Variants in SEMA7A observed in about 807,000 individuals in gnomAD.
SEMA7A encodes semaphorin-7A.
In SEMA7A, 21 loss-of-function variants were observed where a neutral mutation model predicts 67.5. The observed-to-expected ratio is 0.31, with a 90% CI of 0.22 to 0.45. The LOEUF (loss-of-function observed/expected upper bound fraction) is 0.45, where lower values mean the gene tolerates loss of function less well. Among genes scored for constraint, SEMA7A ranks in the 20% least tolerant of loss-of-function variants. The probability of loss-of-function intolerance (pLI) is 1.00; values close to 1 mark genes in which losing one functional copy is unlikely to be tolerated. For synonymous variants in SEMA7A, 364 were observed against 368.5 expected, an observed-to-expected ratio of 0.99 and a Z score of 0.14; for missense variants, 774 against 908.6, an observed-to-expected ratio of 0.85 and a Z score of 1.90.
intron 6 of SEMA7A, 74 bp from the exon 7 acceptor site, chr15:74,416,788 TCCTC>T: frequency 1.3e-6 from 2 of 1,523,402 alleles, no homozygotes; most frequent in Non-Finnish European, 1.8e-6. Context: ...CTGCACACTC[TCCTC>T]CCTCCTTCGG....
intron 1 of SEMA7A, among the ~76,000 whole-genome samples, chr15:74,422,687 G>A (rs1234944423): frequency 3.3e-5 from 5 of 152,212 alleles, no homozygotes; most frequent in African/African-American, 1.2e-4. Flanking sequence ...GGTGCTCACA[G>A]GGCTCTGATC....
intron 10 of SEMA7A, 146 bp from the exon 11 acceptor site, chr15:74,412,158 G>A (rs188538429): frequency 8.3e-6 from 8 of 969,280 alleles, no homozygotes; most frequent in Admixed American, 5.0e-5. Context: ...GCGTGACTGG[G>A]GAAGAATGTG....
intron 3 of SEMA7A, 92 bp downstream of exon 3, chr15:74,418,176 G>A (rs2060968903): frequency 2.9e-6 from 4 of 1,356,320 alleles, no homozygotes; most frequent in African/African-American, 1.4e-5. Flanking sequence ...GGGACTCGTG[G>A]GGCAGGGCCA....
rs2061117975 is a variant in SEMA7A at position 74,433,958 on chromosome 15, T to C, written c.-40A>G. 2 of 1,233,134 alleles carry C rather than the reference T, an allele frequency of 1.6e-6. No individual in the cohort carries two copies. The highest frequency in any genetic ancestry group is 1.6e-5 in the African/African-American group (1 of 63,900). 76.4% of individuals were successfully genotyped at this position (1,233,134 alleles called of 1,614,324 possible). On this transcript the variant is annotated 5_prime_UTR_variant, in exon 1 of 14. Coordinates refer to ENST00000261918, the MANE Select transcript of SEMA7A (RefSeq NM_003612.5). The stretch of plus-strand genomic sequence containing the variant: ...AGCGACAGCGGCAATCAGCCGAGAC[T>C]GAGCCAGCGCCCGGCCGCAGGCAGA...
At chr15:74,430,715 T>C (rs1405523627) in intron 1 of SEMA7A, among the ~76,000 whole-genome samples, 1 of 152,220 alleles carries the variant, frequency 6.6e-6, no homozygotes, top group African/African-American at 2.4e-5. Context: ...CATGAGACTC[T>C]GTGGAGGGAG....
chr15:74,422,575 A>T (rs1234088655), intron 1 of SEMA7A, among the ~76,000 whole-genome samples: 3 of 152,138 alleles, frequency 2.0e-5, no homozygotes, highest in Admixed American at 6.5e-5. Context: ...ACCATTTCTC[A>T]TGGTGGCAGG....
At position 74,433,812 on chromosome 15, in the gene SEMA7A, A is replaced by AGCAGCAGCAGCC; in HGVS notation, c.95_106dup (p.Arg32_Leu35dup). On this transcript the variant is annotated inframe_insertion, in exon 1 of 14. Transcript: ENST00000261918. ...GGCGGAGGCGGCGGCCGCCCAGAGC[A>AGCAGCAGCAGCC]GCAGCAGCAGCCGCAGCCGCAGCGG... 2 of 1,388,202 alleles carry AGCAGCAGCAGCC rather than the reference A, an allele frequency of 1.4e-6. No individual in the cohort carries two copies. Among genetic ancestry groups the AGCAGCAGCAGCC allele is most frequent in the Non-Finnish European group, 1.9e-6 (2 of 1,074,730 alleles). The allele number at this position is 1,388,202 out of a possible 1,614,324, so 86.0% of individuals were successfully genotyped here.
At chr15:74,432,259 G>A (rs2061094875) in intron 1 of SEMA7A, among the ~76,000 whole-genome samples, 1 of 152,148 alleles carries the variant, frequency 6.6e-6, no homozygotes, top group South Asian at 2.1e-4. Context: ...ACTGAGGGAA[G>A]GCAAAGCTGC....
In SEMA7A at chr15:74,414,866, G is replaced by A; in HGVS notation, c.1067C>T (p.Ser356Leu). The A allele has an allele frequency of 6.2e-7, 1 of 1,614,204 alleles. No individual in the cohort carries two copies. The highest frequency in any genetic ancestry group is 8.5e-7 in the Non-Finnish European group (1 of 1,180,034). ...GCCAGGCCGCGGGTTGGGAAGGCTT[G>A]AGTGGTAGCCCTTGAGTGAGGAGGT... Reference protein sequence around the residue: ...FRTSSLKGYHSSLPNPRPGKC... With the variant: ...FRTSSLKGYHLSLPNPRPGKC... The change falls in exon 9 of 14, where the codon TCA becomes TTA. Residue 356 changes from serine (S) to leucine (L), a missense_variant. Transcript: ENST00000261918. This position sits in a 1 kb window ranked among gnomAD's most constrained non-coding sequence, Gnocchi z 4.1.
In SEMA7A at chr15:74,432,085, A is replaced by C. The variant is rs1204096631; in HGVS notation, c.178+1656T>G. ...ATTAAGTGCTAAGAAGTGGGTGTGC[A>C]TTAAGTGGGGTGGGGGTGGGGGGTC... On this transcript the variant is annotated intron_variant, in intron 1 of 13. Coordinates refer to ENST00000261918, the MANE Select transcript of SEMA7A (RefSeq NM_003612.5). Among the ~76,000 whole-genome samples the C allele has an allele frequency of 3.1e-5, 3 of 95,742 alleles. No homozygotes were observed. In the Admixed American group the frequency reaches 4.5e-4, roughly 14 times the overall value. 62.8% of individuals were successfully genotyped at this position (95,742 alleles called of 152,430 possible).
chr15:74,416,715 C>T lies in SEMA7A; in HGVS notation c.662-1G>A. 1 of 1,613,812 alleles carries T rather than the reference C, an allele frequency of 6.2e-7. No individual in the cohort carries two copies. The highest frequency in any genetic ancestry group is 8.5e-7 in the Non-Finnish European group (1 of 1,179,780). On this transcript the variant is annotated splice_acceptor_variant, in intron 6 of 13. Transcript: ENST00000261918. LOFTEE classifies it high-confidence loss of function. ...ATGGTGGCTTTGATGAACTGTGGGT[C>T]TGCCAGGGACAGAGGCGAGTGGGCG...
intron 6 of SEMA7A, 64 bp downstream of exon 6, chr15:74,417,271 C>T (rs2060958661): frequency 7.8e-7 from 1 of 1,281,954 alleles, no homozygotes; most frequent in Non-Finnish European, 1.1e-6. Context: ...ATCAGGATCC[C>T]ATCTGCCACC....
chr15:74,417,994 G>A (rs769363119), intron 3 of SEMA7A, 25 bp from the exon 4 acceptor site: 24 of 1,609,684 alleles, frequency 1.5e-5, no homozygotes, highest in Non-Finnish European at 1.7e-5. Context: ...GAGAAGGGAG[G>A]AGAGAAATTG....
At chr15:74,432,901 C>T (rs1400570353) in intron 1 of SEMA7A, among the ~76,000 whole-genome samples, 1 of 152,104 alleles carries the variant, frequency 6.6e-6, no homozygotes, top group Non-Finnish European at 1.5e-5. Context: ...TCCCATAGTA[C>T]AGGGTCTAAA....
Position 74,410,860 on chromosome 15 carries a change from G to C in SEMA7A, c.1765C>G (p.Pro589Ala). ...HKENVEQSCE[P>A]GHQSPNCILF... ...ATGCAGTTGGGGCTCTGGTGACCAG[G>C]TTCGCAGCTCTGCTCCACGTTCTCC... Residue 589 changes from proline (P) to alanine (A), a missense_variant, in exon 14 of 14, where the codon CCT becomes GCT. By Grantham distance (27) the Pro-to-Ala change is conservative (BLOSUM62 -1). This residue lies in a region of SEMA7A where 427 missense variants were observed against 555.4 expected (regional missense o/e 0.77). Coordinates refer to ENST00000261918, the MANE Select transcript of SEMA7A (RefSeq NM_003612.5). The surrounding 1 kb of genome is among the most constrained non-coding windows in gnomAD (Gnocchi z 7.5). The C allele has an allele frequency of 6.2e-7, 1 of 1,614,236 alleles. No individual in the cohort carries two copies. Among genetic ancestry groups the C allele is most frequent in the Admixed American group, 1.7e-5 (1 of 60,028 alleles).
rs577262431 is a variant in SEMA7A, at chr15:74,420,259, C to T, written c.179-1307G>A. ...CACACCTTCATTCTTTAAGAAACAT[C>T]CCTTCATGGCCAGGTCACCCCCGGA... On this transcript the variant is annotated intron_variant, in intron 1 of 13. Transcript: ENST00000261918. Among the ~76,000 whole-genome samples the T allele has an allele frequency of 3.9e-5, 6 of 152,348 alleles. No individual in the cohort carries two copies. In the East Asian group the frequency reaches 1.2e-3, roughly 29 times the overall value.
chr15:74,417,398 T>G lies in SEMA7A; in HGVS notation c.598A>C (p.Ile200Leu). 6.2e-7 allele frequency: 1 copy of G among 1,614,038 alleles called. No individual in the cohort carries two copies. The highest frequency in any genetic ancestry group is 8.5e-7 in the Non-Finnish European group (1 of 1,180,016). Residue 200 changes from isoleucine to leucine, a missense_variant, in exon 6 of 14, where the codon ATC becomes CTC. Ile to Leu is a conservative substitution (Grantham distance 5). Coordinates refer to ENST00000261918, the MANE Select transcript of SEMA7A (RefSeq NM_003612.5). ...TIRKQEYNGK[I>L]PRFRRIRGES... ...CCCCGGATGCGGCGGAACCGAGGGA[T>G]CTTCCCATTGTATTCCTGCTTCCGG... is the stretch of plus-strand genomic sequence containing the variant.
rs771743082 is a variant in SEMA7A, at chr15:74,411,457, C to G, written c.1577+99G>C. On this transcript the variant is annotated intron_variant, in intron 12 of 13. Coordinates refer to ENST00000261918, the MANE Select transcript of SEMA7A (RefSeq NM_003612.5). The surrounding 1 kb of genome is among the most constrained non-coding windows in gnomAD (Gnocchi z 4.4). ...AGTTCCAGCAGAGAGGAGGGTCCCA[C>G]AAGAAAGGCCCAGTACCGCCACCTC... is the stretch of plus-strand genomic sequence containing the variant. The G allele has an allele frequency of 3.2e-6, 5 of 1,547,346 alleles. No individual in the cohort carries two copies. In the Admixed American group the frequency reaches 9.4e-5, roughly 29 times the overall value.
chr15:74,419,016 C>T, intron 1 of SEMA7A, 64 bp from the exon 2 acceptor site: 2 of 1,557,870 alleles, frequency 1.3e-6, no homozygotes, highest in Non-Finnish European at 1.7e-6. Context: ...CTCTGGGTCC[C>T]CTCCACATGG....
Sources: gnomAD v4.1 joint callset for allele counts (sites outside exome capture counted in the v4.1 genomes callset) on GRCh38, gnomAD v4.1.1 for gene constraint, gnomAD v4.1.1 regional missense constraint, Gnocchi (gnomAD v3.1) non-coding constraint, MANE v1.5 for transcripts, NCBI Gene and HGNC (gene_info 2026-07-23, HGNC 2026-07-21) for gene names.